The following EPHB2 variants were observed in gnomAD, a reference collection of about 807,000 sequenced individuals.
EPHB2 encodes the protein EPH receptor B2, also known as ephrin type-B receptor 2.
A neutral mutation model predicts 96.4 loss-of-function variants in EPHB2; 18 were observed. That is an observed-to-expected ratio of 0.19 (90% CI 0.13 to 0.28). The LOEUF is 0.28. EPHB2 is among the 10% of genes least tolerant of loss of function. The pLI, the probability that EPHB2 is intolerant of heterozygous loss-of-function variation, is 1.00. For missense variants in EPHB2, 989 were observed against 1,355.4 expected (o/e 0.73, Z 4.25); for synonymous variants, 506 against 534.1 (o/e 0.95, Z 0.72).
At chr1:22,766,311 G>T (rs949068099) in intron 1 of EPHB2, among the ~76,000 whole-genome samples, 1 of 152,194 alleles carries the variant, frequency 6.6e-6, no homozygotes, top group African/African-American at 2.4e-5. Context: ...CTAGCACAGT[G>T]CCTGGTACAT....
chr1:22,854,167 A>C (rs1645666149), intron 3 of EPHB2, among the ~76,000 whole-genome samples: 1 of 152,208 alleles, frequency 6.6e-6, no homozygotes, highest in Non-Finnish European at 1.5e-5. Flanking sequence ...GAAACCCTTC[A>C]TCAAGTGGGA....
chr1:22,778,999 C>A (rs1207162484), intron 1 of EPHB2, among the ~76,000 whole-genome samples: 2 of 152,192 alleles, frequency 1.3e-5, no homozygotes, highest in Non-Finnish European at 1.5e-5. Flanking sequence ...GGCAGCCTTG[C>A]CTCCCCTGCC....
intron 1 of EPHB2, among the ~76,000 whole-genome samples, chr1:22,724,440 C>T (rs1442014175): frequency 2.0e-5 from 3 of 152,178 alleles, no homozygotes; most frequent in Admixed American, 1.3e-4. Flanking sequence ...GGAAGAGTAA[C>T]TGGTCTTACC....
At chr1:22,763,695 T>C in intron 1 of EPHB2, among the ~76,000 whole-genome samples, 1 of 152,170 alleles carries the variant, frequency 6.6e-6, no homozygotes, top group East Asian at 1.9e-4. Context: ...CTATGACTAA[T>C]TACCAAAGTC....
rs1051555705 is a variant in EPHB2 at position 22,877,300 on chromosome 1, A to G, written c.1304-5059A>G. Reference sequence around the variant, plus strand: ...TCATCTGTAAAATGGGTATAACAGTAATACCAGCCTTGTAGGGTTGATAGG... The same window carrying G: ...TCATCTGTAAAATGGGTATAACAGTGATACCAGCCTTGTAGGGTTGATAGG... On this transcript the variant is annotated intron_variant, in intron 5 of 15. Transcript: ENST00000374630. 9.8e-5 allele frequency among the ~76,000 whole-genome samples: 15 copies of G among 152,330 alleles called. No homozygotes were observed. The East Asian group carries it at 2.9e-3, about 29-fold the overall frequency.
intron 3 of EPHB2, among the ~76,000 whole-genome samples, chr1:22,825,639 G>A (rs1284914396): frequency 6.6e-6 from 1 of 152,254 alleles, no homozygotes; most frequent in Non-Finnish European, 1.5e-5. Flanking sequence ...TAGATGTACA[G>A]CTGGCTCAGA....
chr1:22,907,094 C>G, intron 11 of EPHB2, 137 bp downstream of exon 11: 1 of 1,243,082 alleles, frequency 8.0e-7, no homozygotes, highest in East Asian at 2.6e-5. Flanking sequence ...TGTCACTTTC[C>G]ATTCCCTTAT....
chr1:22,901,820 A>T (rs12048514), intron 9 of EPHB2, among the ~76,000 whole-genome samples: 70 of 148,566 alleles, frequency 4.7e-4, no homozygotes, highest in African/African-American at 1.4e-3. Context: ...TGTGTGTGTG[A>T]GTGTGTGTGT....
chr1:22,895,678 G>A, intron 8 of EPHB2, 98 bp downstream of exon 8: 1 of 1,159,726 alleles, frequency 8.6e-7, no homozygotes, highest in Non-Finnish European at 1.3e-6. Context: ...AACCGAGGAG[G>A]CATTCTCACA....
At chr1:22,826,356 G>A (rs1050812489) in intron 3 of EPHB2, among the ~76,000 whole-genome samples, 1 of 152,172 alleles carries the variant, frequency 6.6e-6, no homozygotes, top group African/African-American at 2.4e-5. Flanking sequence ...TCTGCAACTG[G>A]GGTCTGCAAA....
intron 3 of EPHB2, among the ~76,000 whole-genome samples, chr1:22,792,893 G>A (rs1025458270): frequency 2.0e-5 from 3 of 152,318 alleles, no homozygotes; most frequent in Non-Finnish European, 4.4e-5. Flanking sequence ...GGAAGCTGAC[G>A]GAGGCACCCA....
intron 3 of EPHB2, among the ~76,000 whole-genome samples, chr1:22,810,395 T>C (rs1644986473): frequency 6.6e-6 from 1 of 152,152 alleles, no homozygotes; most frequent in Non-Finnish European, 1.5e-5. Context: ...GAGCCTCCCC[T>C]TCGTGCTGCC....
In EPHB2 at chr1:22,915,474, C is replaced by T. The variant is rs538650011; in HGVS notation, c.*1904C>T. On this transcript the variant is annotated 3_prime_UTR_variant, in exon 16 of 16. Coordinates refer to ENST00000374630, the MANE Select transcript of EPHB2 (RefSeq NM_017449.5). ...GGCAGAGAAAACACATGGAGAACGA[C>T]AGCTCCACGTGGCCTTTCTGGCCCT... is the stretch of plus-strand genomic sequence containing the variant. 83 of 152,328 alleles carry T rather than the reference C, an allele frequency of 5.4e-4. No individual in the cohort carries two copies. Among genetic ancestry groups the T allele is most frequent in the African/African-American group, 1.8e-3 (75 of 41,572 alleles). The allele number at this position is 152,328 out of a possible 1,614,324, so 9.4% of individuals were successfully genotyped here.
intron 1 of EPHB2, among the ~76,000 whole-genome samples, chr1:22,755,385 A>G (rs1644133187): frequency 6.6e-6 from 1 of 152,122 alleles, no homozygotes; most frequent in African/African-American, 2.4e-5. Flanking sequence ...ACATTTTTAG[A>G]TGGATGCAGG....
chr1:22,909,959 C>T (rs1428297530), intron 13 of EPHB2, among the ~76,000 whole-genome samples: 1 of 152,058 alleles, frequency 6.6e-6, no homozygotes, highest in Non-Finnish European at 1.5e-5. Context: ...GTATCTCACA[C>T]CTGGAGCTGT....
intron 6 of EPHB2, among the ~76,000 whole-genome samples, chr1:22,890,675 A>G (rs2148563119): frequency 6.6e-6 from 1 of 152,108 alleles, no homozygotes; most frequent in Middle Eastern, 3.4e-3. Flanking sequence ...AAGTTCCCAT[A>G]ATCCCCACCT....
intron 6 of EPHB2, among the ~76,000 whole-genome samples, chr1:22,890,108 T>C (rs957887383): frequency 1.3e-5 from 2 of 152,154 alleles, no homozygotes; most frequent in Admixed American, 6.5e-5. Context: ...GCCTTCACCC[T>C]GTGGGCACTG....
intron 3 of EPHB2, among the ~76,000 whole-genome samples, chr1:22,835,375 A>G (rs1645365459): frequency 6.6e-6 from 1 of 152,144 alleles, no homozygotes; most frequent in Non-Finnish European, 1.5e-5. Flanking sequence ...GCAAGACCCC[A>G]TCTCAAAGAA....
At chr1:22,732,664 G>A (rs905526963) in intron 1 of EPHB2, among the ~76,000 whole-genome samples, 10 of 152,198 alleles carry the variant, frequency 6.6e-5, no homozygotes, top group East Asian at 3.9e-4. Flanking sequence ...CCCCGGCCCC[G>A]CTTTATTTTC....
Sources: gnomAD v4.1 joint callset for allele counts (sites outside exome capture counted in the v4.1 genomes callset) on GRCh38, gnomAD v4.1.1 for gene constraint, MANE v1.5 for transcripts, NCBI Gene and HGNC (gene_info 2026-07-23, HGNC 2026-07-21) for gene names.